The following NDST4 variants were observed in gnomAD, a reference collection of about 807,000 sequenced individuals.
NDST4 encodes N-heparan sulfate sulfotransferase 4.
NDST4 carries 63 observed loss-of-function variants against 100.8 expected under a neutral mutation model. The observed-to-expected ratio is 0.62, with a 90% confidence interval of 0.51 to 0.77. The LOEUF is 0.77. Among genes scored for constraint, NDST4 ranks in the 30% least tolerant of loss-of-function variants. The pLI is 0.00. For synonymous variants in NDST4, 377 were observed against 361.8 expected, an observed-to-expected ratio of 1.04 and a Z score of -0.48; for missense variants, 943 against 1,018.4, an observed-to-expected ratio of 0.93 and a Z score of 1.01.
Position 114,937,407 on chromosome 4 carries a change from C to G in NDST4, c.1318G>C (p.Val440Leu). 2 of 1,613,994 alleles carry G rather than the reference C, an allele frequency of 1.2e-6. No homozygotes were observed. The highest frequency in any genetic ancestry group is 1.7e-6 in the Non-Finnish European group (2 of 1,179,926). Residue 440 changes from valine (V) to leucine (L), a missense_variant, in exon 5 of 14, where the codon GTC (valine) becomes CTC (leucine). Val to Leu is a conservative substitution (Grantham distance 32, BLOSUM62 1). Around this residue, in one of 2 missense-constraint regions of NDST4, gnomAD observed 526 missense variants for 634.1 expected, o/e 0.83. Coordinates refer to ENST00000264363, the MANE Select transcript of NDST4 (RefSeq NM_022569.3). ...GTGCTGGTGACTTGAATACCCCAGA[C>G]CTTCTTCCAAGCTGCATACAGCTGA... is the stretch of plus-strand genomic sequence containing the variant. ...HIQLYAAWKK[V>L]WGIQVTSTEE...
chr4:115,073,752 A>G (rs1390934183), intron 2 of NDST4, among the ~76,000 whole-genome samples: 3 of 151,956 alleles, frequency 2.0e-5, no homozygotes, highest in Admixed American at 6.6e-5. Flanking sequence ...TCTAATAGTA[A>G]CAATATATCA....
chr4:114,939,779 T>C (rs1725709233), intron 4 of NDST4, among the ~76,000 whole-genome samples: 1 of 152,234 alleles, frequency 6.6e-6, no homozygotes, highest in East Asian at 1.9e-4. Flanking sequence ...GGGCCCAGTG[T>C]TATACTGTTC....
intron 6 of NDST4, among the ~76,000 whole-genome samples, chr4:114,924,272 T>A (rs2126220312): frequency 6.6e-6 from 1 of 152,260 alleles, no homozygotes; most frequent in East Asian, 1.9e-4. Flanking sequence ...ACTCTGATCC[T>A]GATTTTCAGT....
intron 2 of NDST4, among the ~76,000 whole-genome samples, chr4:115,030,635 G>A (rs1487561023): frequency 6.6e-6 from 1 of 151,992 alleles, no homozygotes; most frequent in Non-Finnish European, 1.5e-5. Context: ...AACTCAAAAG[G>A]GAGGAAGAAT....
In NDST4 at chr4:114,986,832, A is replaced by ATATATATATTTT; in HGVS notation, c.979-9559_979-9558insAAAATATATATA. Among the ~76,000 whole-genome samples the ATATATATATTTT allele has an allele frequency of 3.4e-3, 324 of 94,606 alleles. 12 individuals carry two copies. The highest frequency in any genetic ancestry group is 7.9e-3 in the Middle Eastern group (1 of 126). 62.1% of individuals were successfully genotyped at this position (94,606 alleles called of 152,430 possible). On this transcript the variant is annotated intron_variant, in intron 2 of 13. Transcript: ENST00000264363. ...TATATATATATATATATATATATAT[A>ATATATATATTTT]TTTTAATATACTATTCCTATAAGCT...
At position 115,067,045 on chromosome 4, in the gene NDST4, C is replaced by T. The variant is rs186103204; in HGVS notation, c.978+9014G>A. ...AGATTTGGTACCCTCTCTCCACTGT[C>T]GAATATCTTGGATAAATGCTCATTC... On this transcript the variant is annotated intron_variant, in intron 2 of 13. Transcript: ENST00000264363. Among the ~76,000 whole-genome samples, 576 of 152,302 alleles carry T rather than the reference C, an allele frequency of 3.8e-3. 3 individuals carry two copies. The highest frequency in any genetic ancestry group is 4.4e-3 in the South Asian group (21 of 4,822).
chr4:114,865,330 C>T (rs111430748), intron 7 of NDST4, among the ~76,000 whole-genome samples: 2,333 of 152,090 alleles, frequency 0.015, 66 homozygotes, highest in African/African-American at 0.053. Context: ...CCCAAAGTGC[C>T]GGGATTATAG....
intron 2 of NDST4, among the ~76,000 whole-genome samples, chr4:115,015,527 A>G (rs947738313): frequency 2.6e-5 from 4 of 152,050 alleles, no homozygotes; most frequent in Non-Finnish European, 5.9e-5. Flanking sequence ...CTTGGAGGAA[A>G]AATAATTGAA....
chr4:114,976,997 T>C (rs1462449746), intron 3 of NDST4, among the ~76,000 whole-genome samples, 190 bp downstream of exon 3: 2 of 151,844 alleles, frequency 1.3e-5, no homozygotes, highest in African/African-American at 4.8e-5. Flanking sequence ...CTCTTTCTCT[T>C]TTGCCCTTGA....
intron 7 of NDST4, among the ~76,000 whole-genome samples, chr4:114,861,653 T>G (rs1313426905): frequency 2.6e-5 from 4 of 152,136 alleles, no homozygotes; most frequent in Non-Finnish European, 5.9e-5. Context: ...TGTGAGTTAC[T>G]TTGTAGAGAA....
chr4:114,949,464 G>T (rs751389163), intron 4 of NDST4, among the ~76,000 whole-genome samples: 1 of 151,856 alleles, frequency 6.6e-6, no homozygotes, highest in South Asian at 2.1e-4. Flanking sequence ...TTTTTCTCTC[G>T]TGTAATGGGG....
intron 6 of NDST4, among the ~76,000 whole-genome samples, chr4:114,903,692 C>T (rs927541064): frequency 4.6e-5 from 7 of 151,898 alleles, no homozygotes; most frequent in Admixed American, 3.3e-4. Flanking sequence ...AATGGAGTTG[C>T]GACTGCCAAG....
intron 1 of NDST4, among the ~76,000 whole-genome samples, chr4:115,097,012 T>A (rs1376226092): frequency 6.6e-6 from 1 of 152,104 alleles, no homozygotes; most frequent in East Asian, 1.9e-4. Flanking sequence ...GAAACTATCT[T>A]TAGTAAGCTT....
intron 6 of NDST4, among the ~76,000 whole-genome samples, chr4:114,890,399 A>G (rs1724568163): frequency 6.6e-6 from 1 of 152,158 alleles, no homozygotes; most frequent in African/African-American, 2.4e-5. Flanking sequence ...TTAAAACTTC[A>G]TTAAGGCACA....
chr4:115,029,388 A>T (rs1028767262), intron 2 of NDST4, among the ~76,000 whole-genome samples: 27 of 151,628 alleles, frequency 1.8e-4, no homozygotes, highest in African/African-American at 5.8e-4. Context: ...AGCAAAAGGG[A>T]CTCTTCTTCC....
chr4:114,969,824 T>C (rs1726469588), intron 4 of NDST4, among the ~76,000 whole-genome samples: 3 of 152,160 alleles, frequency 2.0e-5, no homozygotes, highest in African/African-American at 7.2e-5. Context: ...CTTTGGCATA[T>C]AACTAATAAT....
intron 10 of NDST4, among the ~76,000 whole-genome samples, chr4:114,844,157 T>C (rs1299384925): frequency 6.6e-6 from 1 of 152,210 alleles, no homozygotes; most frequent in Non-Finnish European, 1.5e-5. Context: ...AGTTTCTACT[T>C]ACCATTTTTG....
intron 1 of NDST4, among the ~76,000 whole-genome samples, chr4:115,111,395 T>A (rs1468301120): frequency 6.6e-6 from 1 of 151,784 alleles, no homozygotes; most frequent in Non-Finnish European, 1.5e-5. Context: ...AGCATATGTT[T>A]CTATTTTGAT....
At chr4:114,908,410 C>G (rs1167474078) in intron 6 of NDST4, among the ~76,000 whole-genome samples, 1 of 152,112 alleles carries the variant, frequency 6.6e-6, no homozygotes, top group Admixed American at 6.6e-5. Flanking sequence ...TACTTTTAAA[C>G]ATTTTAAATC....
Sources: allele counts gnomAD v4.1 joint callset (sites outside exome capture counted in the v4.1 genomes callset), GRCh38; gene constraint gnomAD v4.1.1; regional missense constraint gnomAD v4.1.1; transcripts MANE v1.5; gene names NCBI Gene and HGNC (gene_info 2026-07-23, HGNC 2026-07-21).